The following ARMH4 variants were observed in gnomAD, a reference collection of about 807,000 sequenced individuals.
ARMH4 encodes armadillo-like helical domain-containing protein 4.
Under a neutral mutation model 61.9 loss-of-function variants are expected in ARMH4, and 49 were observed. The ratio of observed to expected loss-of-function variants is 0.79; its 90% confidence interval spans 0.63 to 1.00. The LOEUF (loss-of-function observed/expected upper bound fraction) is 1.00. ARMH4 is among the 50% of genes least tolerant of loss of function. The pLI is 0.00. For synonymous variants in ARMH4, 368 were observed against 341.5 expected (o/e 1.08, Z -0.85); for missense variants, 934 against 930.0 (o/e 1.00, Z -0.06).
chr14:58,004,107 C>G lies in ARMH4; in HGVS notation c.*629G>C, dbSNP rs1882073838. On this transcript the variant is annotated 3_prime_UTR_variant, in exon 8 of 8. Transcript: ENST00000267485. ...ATTTCTAGTGCATTTTTTTCCTCGCCAAGAATAAAACGGAAGGTGAGAATA... is the reference window on the plus strand; with the variant it reads ...ATTTCTAGTGCATTTTTTTCCTCGCGAAGAATAAAACGGAAGGTGAGAATA... The G allele has an allele frequency of 2.6e-5, 4 of 152,078 alleles. 1 individual carries two copies. The South Asian group carries it at 8.3e-4, about 32-fold the overall frequency. The allele number at this position is 152,078 out of a possible 1,614,324, so 9.4% of individuals were successfully genotyped here. A position where few individuals can be genotyped will look rare whatever the true frequency, so the allele number is the denominator to read the frequency against.
intron 5 of ARMH4, among the ~76,000 whole-genome samples, chr14:58,050,658 T>A (rs952115718): frequency 2.0e-4 from 31 of 152,040 alleles, no homozygotes; most frequent in African/African-American, 6.3e-4. Flanking sequence ...TTTTTTTTTT[T>A]AATTGTGGTT....
At chr14:58,145,786 G>T (rs945412909) in intron 1 of ARMH4, among the ~76,000 whole-genome samples, 2 of 152,152 alleles carry the variant, frequency 1.3e-5, no homozygotes, top group Non-Finnish European at 2.9e-5. Flanking sequence ...TTCTATGTCT[G>T]TGTATTGAGG....
At chr14:58,082,319 C>A (rs1184114883) in intron 5 of ARMH4, among the ~76,000 whole-genome samples, 1 of 152,212 alleles carries the variant, frequency 6.6e-6, no homozygotes, top group Non-Finnish European at 1.5e-5. Flanking sequence ...CTCACCTGCT[C>A]CTCTCTTACA....
At chr14:58,041,742 G>A (rs1432523336) in intron 5 of ARMH4, among the ~76,000 whole-genome samples, 1 of 152,140 alleles carries the variant, frequency 6.6e-6, no homozygotes, top group East Asian at 1.9e-4. Flanking sequence ...ATAAAGGGAT[G>A]GAGGAAGATC....
chr14:58,041,263 C>A (rs1398813079), intron 5 of ARMH4, among the ~76,000 whole-genome samples: 2 of 152,160 alleles, frequency 1.3e-5, no homozygotes, highest in East Asian at 3.9e-4. Flanking sequence ...CACTCCCACC[C>A]CAATACTGCA....
intron 6 of ARMH4, 73 bp from the exon 7 acceptor site, chr14:58,005,255 A>AT: frequency 6.3e-7 from 1 of 1,590,088 alleles, no homozygotes; most frequent in Non-Finnish European, 8.6e-7. Flanking sequence ...TTTCTGCTGG[A>AT]TGGCAGCAGG....
intron 5 of ARMH4, among the ~76,000 whole-genome samples, chr14:58,055,701 A>C (rs1421568914): frequency 6.6e-6 from 1 of 152,212 alleles, no homozygotes; most frequent in Admixed American, 6.5e-5. Context: ...CAGAATCTGC[A>C]CTTTAATCAG....
chr14:58,068,960 C>T (rs1487834954), intron 5 of ARMH4, among the ~76,000 whole-genome samples: 1 of 149,430 alleles, frequency 6.7e-6, no homozygotes, highest in African/African-American at 2.5e-5. Flanking sequence ...TGAGCAAGAT[C>T]GCACCACTGC....
chr14:58,076,866 C>T (rs919741016), intron 5 of ARMH4, among the ~76,000 whole-genome samples: 13 of 151,050 alleles, frequency 8.6e-5, no homozygotes, highest in Admixed American at 5.3e-4. Flanking sequence ...CACCAGCCAC[C>T]CTGCCAAGAA....
chr14:58,054,346 C>T (rs984387504), intron 5 of ARMH4, among the ~76,000 whole-genome samples: 2 of 152,182 alleles, frequency 1.3e-5, no homozygotes, highest in Admixed American at 1.3e-4. Context: ...CTTTCAGTTT[C>T]TATGTTGGCC....
At chr14:58,016,143 T>C (rs1032075430) in intron 5 of ARMH4, among the ~76,000 whole-genome samples, 62 of 152,138 alleles carry the variant, frequency 4.1e-4, no homozygotes, top group African/African-American at 1.0e-3. Context: ...TAACCATGAA[T>C]GTGCACAAAA....
chr14:58,016,590 C>G (rs1037114738), intron 5 of ARMH4, among the ~76,000 whole-genome samples: 19 of 152,128 alleles, frequency 1.2e-4, no homozygotes, highest in Admixed American at 1.0e-3. Flanking sequence ...CAACAAAACC[C>G]CCAAAATTCC....
At chr14:58,148,863 A>ACG (rs1887833165) in intron 1 of ARMH4, among the ~76,000 whole-genome samples, 1 of 151,948 alleles carries the variant, frequency 6.6e-6, no homozygotes, top group African/African-American at 2.4e-5. Flanking sequence ...ACACACACAC[A>ACG]CACACACACA....
intron 2 of ARMH4, among the ~76,000 whole-genome samples, chr14:58,134,727 C>T (rs866652020): frequency 2.0e-5 from 3 of 151,834 alleles, no homozygotes; most frequent in Admixed American, 6.6e-5. Flanking sequence ...GAGACTGAGG[C>T]GGGAGGATCA....
At chr14:58,077,284 T>C (rs1885077914) in intron 5 of ARMH4, among the ~76,000 whole-genome samples, 1 of 152,142 alleles carries the variant, frequency 6.6e-6, no homozygotes, top group South Asian at 2.1e-4. Flanking sequence ...TGAAACCATG[T>C]ATCAGGCAGA....
chr14:58,055,166 T>C (rs1205579929), intron 5 of ARMH4, among the ~76,000 whole-genome samples: 2 of 152,232 alleles, frequency 1.3e-5, no homozygotes, highest in Admixed American at 1.3e-4. Context: ...TGTATGTCAA[T>C]AGTCTCTATT....
At chr14:58,080,609 C>A (rs1344981793) in intron 5 of ARMH4, among the ~76,000 whole-genome samples, 1 of 152,122 alleles carries the variant, frequency 6.6e-6, no homozygotes, top group Non-Finnish European at 1.5e-5. Flanking sequence ...GGGAGGGAGA[C>A]AAGGGCTGAA....
At chr14:58,151,611 T>C (rs998307567) in intron 1 of ARMH4, among the ~76,000 whole-genome samples, 1 of 152,214 alleles carries the variant, frequency 6.6e-6, no homozygotes, top group Non-Finnish European at 1.5e-5. Flanking sequence ...CCTCGATTGT[T>C]AGGCTCTGAG....
At chr14:58,057,304 TAG>T (rs1222597034) in intron 5 of ARMH4, among the ~76,000 whole-genome samples, 1 of 152,132 alleles carries the variant, frequency 6.6e-6, no homozygotes, top group African/African-American at 2.4e-5. Flanking sequence ...CACATATGAG[TAG>T]AGAGAGAGAT....
Sources: gnomAD v4.1 joint callset for allele counts (sites outside exome capture counted in the v4.1 genomes callset) on GRCh38, gnomAD v4.1.1 for gene constraint, MANE v1.5 for transcripts, NCBI Gene and HGNC (gene_info 2026-07-23, HGNC 2026-07-21) for gene names.